The following MOK variants were observed in gnomAD, a reference collection of about 807,000 sequenced individuals.
MOK encodes MAPK/MAK/MRK overlapping kinase.
In MOK, 59 loss-of-function variants were observed where a neutral mutation model predicts 54.2. That is an observed-to-expected ratio of 1.09 (90% CI 0.88 to 1.35). The LOEUF (loss-of-function observed/expected upper bound fraction) is 1.35. Among genes scored for constraint, MOK ranks in the 40% most tolerant of loss-of-function variants. The pLI is 0.00. For synonymous variants in MOK, 210 were observed against 202.7 expected, an observed-to-expected ratio of 1.04 and a Z score of -0.31; for missense variants, 517 against 526.2, an observed-to-expected ratio of 0.98 and a Z score of 0.17.
At chr14:102,293,447 C>G (rs2070992385) in intron 1 of MOK, among the ~76,000 whole-genome samples, 1 of 151,942 alleles carries the variant, frequency 6.6e-6, no homozygotes, top group African/African-American at 2.4e-5. Flanking sequence ...GCCTGTAATC[C>G]CAGCACTTTG....
chr14:102,261,398 AAAAAAAAAAAAAAAAAAAAAATATAT>A (rs1240603180), intron 4 of MOK, among the ~76,000 whole-genome samples: 3 of 70,310 alleles, frequency 4.3e-5, no homozygotes, highest in South Asian at 1.0e-3. Flanking sequence ...AAAAAAAAAA[AAAAAAAAAAAAAAAAAAAAAATATAT>A]ATATATATAT....
At chr14:102,275,486 C>T (rs1003220681) in intron 2 of MOK, among the ~76,000 whole-genome samples, 4 of 150,914 alleles carry the variant, frequency 2.7e-5, no homozygotes, top group Non-Finnish European at 4.4e-5. Context: ...ATGGAGTGAA[C>T]CTGGGAGGCG....
intron 1 of MOK, among the ~76,000 whole-genome samples, chr14:102,301,959 C>T (rs1288395432): frequency 2.0e-5 from 3 of 152,012 alleles, no homozygotes; most frequent in African/African-American, 7.3e-5. Context: ...ACCACATTGG[C>T]CAGGCTGGTC....
At chr14:102,255,792 C>A (rs2066902824) in intron 4 of MOK, among the ~76,000 whole-genome samples, 1 of 152,184 alleles carries the variant, frequency 6.6e-6, no homozygotes. Context: ...TTATATGCCC[C>A]TTAGTGAATT....
intron 7 of MOK, among the ~76,000 whole-genome samples, chr14:102,246,787 G>GT (rs1158198692): frequency 6.6e-6 from 1 of 152,100 alleles, no homozygotes; most frequent in African/African-American, 2.4e-5. Context: ...AGTAGGAACC[G>GT]TAACAACCCA....
intron 1 of MOK, among the ~76,000 whole-genome samples, chr14:102,284,984 G>A (rs1157877112): frequency 2.0e-5 from 3 of 151,994 alleles, no homozygotes; most frequent in Non-Finnish European, 2.9e-5. Flanking sequence ...TTGGGAGGGT[G>A]GGGCAGGAGA....
chr14:102,285,886 C>T (rs911307007), intron 1 of MOK, among the ~76,000 whole-genome samples: 2 of 152,016 alleles, frequency 1.3e-5, no homozygotes, highest in East Asian at 3.9e-4. Context: ...GAGCAAAACT[C>T]TGTCTCAAAA....
Position 102,238,717 on chromosome 14 carries a change from C to T in MOK, c.591-4928G>A, listed in dbSNP as rs1331721640. 2.0e-5 allele frequency among the ~76,000 whole-genome samples: 3 copies of T among 152,168 alleles called. No homozygotes were observed. The highest frequency in any genetic ancestry group is 1.5e-5 in the Non-Finnish European group (1 of 68,040). On this transcript the variant is annotated intron_variant, in intron 7 of 11. Coordinates refer to ENST00000361847, the MANE Select transcript of MOK (RefSeq NM_014226.3). The surrounding 1 kb of genome is among the most constrained non-coding windows in gnomAD (Gnocchi z 4.8). ...TTCCCCAGGGCCAAACCGACAAAAT[C>T]CTGACATCTCTCCACCAATCCTTCC...
At chr14:102,226,371 G>C, downstream of MOK, 2 of 703,120 alleles carry the variant, frequency 2.8e-6, no homozygotes, top group East Asian at 2.7e-5. The surrounding 1 kb of genome is among the most constrained non-coding windows in gnomAD (Gnocchi z 4.8). Context: ...ATGGGGAGGA[G>C]GACGGCTGAG....
At chr14:102,275,263 A>G (rs2068749489) in intron 2 of MOK, among the ~76,000 whole-genome samples, 2 of 151,922 alleles carry the variant, frequency 1.3e-5, no homozygotes, top group African/African-American at 4.8e-5. Context: ...CCATTCACAA[A>G]AATTAATTTA....
chr14:102,217,225 G>A, the MOK span, among the ~76,000 whole-genome samples: 59 of 152,110 alleles, frequency 3.9e-4, no homozygotes, highest in African/African-American at 1.4e-3. Flanking sequence ...TCCCAGGAGC[G>A]GGAGGGCCTC....
intron 1 of MOK, among the ~76,000 whole-genome samples, chr14:102,294,612 T>G (rs1353286838): frequency 1.3e-5 from 2 of 151,736 alleles, no homozygotes; most frequent in Non-Finnish European, 1.5e-5. Flanking sequence ...GCGAGAGACC[T>G]TGTCTCAAAA....
At chr14:102,273,160 A>C (rs1412121275) in intron 2 of MOK, among the ~76,000 whole-genome samples, 2 of 151,556 alleles carry the variant, frequency 1.3e-5, no homozygotes, top group Non-Finnish European at 2.9e-5. Context: ...ACAGAGCAAA[A>C]CTCCGTCTCA....
downstream of MOK, among the ~76,000 whole-genome samples, chr14:102,228,193 C>A (rs2064328616): frequency 6.6e-6 from 1 of 152,170 alleles, no homozygotes; most frequent in Non-Finnish European, 1.5e-5. Flanking sequence ...CACTGACAGG[C>A]CAGGGGCAGG....
intron 1 of MOK, among the ~76,000 whole-genome samples, chr14:102,298,146 G>C (rs2071663248): frequency 6.6e-6 from 1 of 152,240 alleles, no homozygotes; most frequent in African/African-American, 2.4e-5. Flanking sequence ...AAGCCAGCTG[G>C]GCTCCTGAGT....
Position 102,229,183 on chromosome 14 carries a change from G to C in MOK, c.*106C>G. 2 of 1,234,542 alleles carry C rather than the reference G, an allele frequency of 1.6e-6. No homozygotes were observed. Among genetic ancestry groups the C allele is most frequent in the South Asian group, 1.5e-5 (1 of 66,950 alleles). The allele number at this position is 1,234,542 out of a possible 1,614,324, so 76.5% of individuals were successfully genotyped here. ...GAGCCCCGGCCAGCGCGAAACGGAC[G>C]CAGGCGCATCCCCAGCCCTCCGTGG... On this transcript the variant is annotated 3_prime_UTR_variant, in exon 12 of 12. Coordinates refer to ENST00000361847, the MANE Select transcript of MOK (RefSeq NM_014226.3).
intron 8 of MOK, 21 bp downstream of exon 8, chr14:102,233,667 C>T (rs1452606352): frequency 2.5e-6 from 4 of 1,600,806 alleles, no homozygotes; most frequent in Non-Finnish European, 3.4e-6. Context: ...TCCACATCCA[C>T]TCTCAGAACA....
intron 1 of MOK, among the ~76,000 whole-genome samples, chr14:102,290,591 G>T (rs914088834): frequency 6.6e-6 from 1 of 152,138 alleles, no homozygotes; most frequent in African/African-American, 2.4e-5. Context: ...GTCACAACTG[G>T]TCTGTGTTAT....
At chr14:102,224,669 G>C (rs1187570237), downstream of MOK, 12 of 455,876 alleles carry the variant, frequency 2.6e-5, no homozygotes, top group Admixed American at 2.6e-4. Context: ...CTTCACATCA[G>C]CTCAGCCCTC....
Sources: allele counts gnomAD v4.1 joint callset (sites outside exome capture counted in the v4.1 genomes callset), GRCh38; gene constraint gnomAD v4.1.1; non-coding constraint Gnocchi (gnomAD v3.1); transcripts MANE v1.5; gene names NCBI Gene and HGNC (gene_info 2026-07-23, HGNC 2026-07-21).